The following DCC variants were observed in gnomAD, a reference collection of about 807,000 sequenced individuals.
DCC encodes DCC netrin 1 receptor.
DCC carries 58 observed loss-of-function variants against 172.5 expected under a neutral mutation model. That is an observed-to-expected ratio of 0.34 (90% confidence interval 0.27 to 0.42). The LOEUF (loss-of-function observed/expected upper bound fraction) is 0.42. DCC is among the 10% of genes least tolerant of loss of function. DCC has a pLI of 1.00. For synonymous variants in DCC, 709 were observed against 644.5 expected, an observed-to-expected ratio of 1.10 and a Z score of -1.52; for missense variants, 1,740 against 1,791.0, an observed-to-expected ratio of 0.97 and a Z score of 0.51.
At chr18:52,644,997 A>G (rs1335904008) in intron 1 of DCC, among the ~76,000 whole-genome samples, 1 of 152,122 alleles carries the variant, frequency 6.6e-6, no homozygotes, top group Non-Finnish European at 1.5e-5. Context: ...TATCTCTTCT[A>G]TTTAGGGAAG....
chr18:52,846,568 G>C (rs1230526775), intron 2 of DCC, among the ~76,000 whole-genome samples: 2 of 144,414 alleles, frequency 1.4e-5, no homozygotes, highest in Non-Finnish European at 3.0e-5. Flanking sequence ...AGATTTAACT[G>C]CTTCCTCCTC....
intron 5 of DCC, among the ~76,000 whole-genome samples, chr18:52,974,138 G>A (rs938662420): frequency 2.0e-5 from 3 of 152,066 alleles, no homozygotes; most frequent in Non-Finnish European, 4.4e-5. Context: ...TTATGATAAA[G>A]CAAGAAATGT....
intron 12 of DCC, among the ~76,000 whole-genome samples, chr18:53,285,559 G>A (rs769285446): frequency 2.0e-5 from 3 of 152,226 alleles, no homozygotes; most frequent in Admixed American, 6.5e-5. Flanking sequence ...GCAGGGGCAC[G>A]ACCCTCGTGG....
intron 5 of DCC, among the ~76,000 whole-genome samples, chr18:53,061,865 G>C (rs2042499859): frequency 6.6e-6 from 1 of 152,074 alleles, no homozygotes; most frequent in Admixed American, 6.6e-5. Flanking sequence ...AATAAACTCT[G>C]CATTGTCAGC....
intron 1 of DCC, among the ~76,000 whole-genome samples, chr18:52,750,871 G>A (rs889096916): frequency 6.6e-6 from 1 of 152,056 alleles, no homozygotes; most frequent in Non-Finnish European, 1.5e-5. Context: ...AATGAAGGAA[G>A]CTAATGAAGT....
intron 1 of DCC, among the ~76,000 whole-genome samples, chr18:52,614,875 G>A (rs1446224516): frequency 1.3e-5 from 2 of 152,094 alleles, no homozygotes; most frequent in South Asian, 2.1e-4. Context: ...ACATAAAAAC[G>A]AACATTGGGG....
At chr18:53,443,616 G>C (rs1165823127) in intron 22 of DCC, among the ~76,000 whole-genome samples, 1 of 152,154 alleles carries the variant, frequency 6.6e-6, no homozygotes, top group Non-Finnish European at 1.5e-5. Context: ...ATATTTCATA[G>C]ATATGTCTTC....
chr18:52,824,475 G>T (rs1050579268), intron 2 of DCC, among the ~76,000 whole-genome samples: 1 of 152,110 alleles, frequency 6.6e-6, no homozygotes, highest in Middle Eastern at 3.4e-3. Flanking sequence ...CATCTTGATG[G>T]CTTTAAATCT....
chr18:52,967,307 C>A (rs1476409062), intron 5 of DCC, among the ~76,000 whole-genome samples: 1 of 152,104 alleles, frequency 6.6e-6, no homozygotes, highest in Admixed American at 6.6e-5. Flanking sequence ...AGACCTTCTC[C>A]CAAGGTAGAG....
At chr18:52,656,368 G>T (rs1450836825) in intron 1 of DCC, among the ~76,000 whole-genome samples, 1 of 151,908 alleles carries the variant, frequency 6.6e-6, no homozygotes, top group Non-Finnish European at 1.5e-5. Flanking sequence ...CTATGAACTG[G>T]AAAATGGGCC....
chr18:52,862,184 G>T (rs562621959), intron 2 of DCC, among the ~76,000 whole-genome samples: 11 of 151,876 alleles, frequency 7.2e-5, no homozygotes, highest in Admixed American at 3.9e-4. Context: ...GATAAACCTC[G>T]TATGTTCCTC....
At chr18:53,095,034 A>G (rs4458075) in intron 7 of DCC, among the ~76,000 whole-genome samples, 79 of 152,348 alleles carry the variant, frequency 5.2e-4, no homozygotes, top group African/African-American at 1.8e-3. Flanking sequence ...TTCTATTATC[A>G]CAATGATAAT....
At chr18:52,944,166 G>T (rs1016606276) in intron 5 of DCC, among the ~76,000 whole-genome samples, 1 of 152,108 alleles carries the variant, frequency 6.6e-6, no homozygotes, top group Non-Finnish European at 1.5e-5. Context: ...CTTTACACAA[G>T]GAATAAGAAA....
At chr18:53,138,753 C>T (rs1430169202) in intron 7 of DCC, among the ~76,000 whole-genome samples, 1 of 152,144 alleles carries the variant, frequency 6.6e-6, no homozygotes, top group East Asian at 1.9e-4. Flanking sequence ...TAACAATATA[C>T]CCTTGGGTTT....
At chr18:52,422,394 G>A (rs190697040) in intron 1 of DCC, among the ~76,000 whole-genome samples, 4 of 152,230 alleles carry the variant, frequency 2.6e-5, no homozygotes, top group Admixed American at 2.6e-4. Flanking sequence ...ATCACATCAG[G>A]ATTGTCCACT....
intron 1 of DCC, among the ~76,000 whole-genome samples, chr18:52,699,254 A>G (rs942683883): frequency 3.3e-5 from 5 of 152,162 alleles, no homozygotes; most frequent in African/African-American, 1.2e-4. Flanking sequence ...CTGTTAGAGC[A>G]CAGGTGGGCT....
intron 2 of DCC, among the ~76,000 whole-genome samples, chr18:52,815,700 CT>C (rs2038283610): frequency 6.6e-6 from 1 of 152,050 alleles, no homozygotes; most frequent in African/African-American, 2.4e-5. Flanking sequence ...ATGTTTTACC[CT>C]AATTATTGTA....
intron 19 of DCC, among the ~76,000 whole-genome samples, chr18:53,409,712 C>G (rs1488829153): frequency 6.6e-6 from 1 of 152,062 alleles, no homozygotes; most frequent in Non-Finnish European, 1.5e-5. Flanking sequence ...AACATATCCC[C>G]TAACACAGAA....
At chr18:53,099,193 T>A (rs1399363501) in intron 7 of DCC, among the ~76,000 whole-genome samples, 2 of 152,120 alleles carry the variant, frequency 1.3e-5, no homozygotes, top group Non-Finnish European at 2.9e-5. Context: ...GTTCCTTCCA[T>A]TTGTATTGGT....
Sources: allele counts gnomAD v4.1 joint callset (sites outside exome capture counted in the v4.1 genomes callset), GRCh38; gene constraint gnomAD v4.1.1; transcripts MANE v1.5; gene names NCBI Gene and HGNC (gene_info 2026-07-23, HGNC 2026-07-21).